The following DLGAP2 variants were observed in gnomAD, a reference collection of about 807,000 sequenced individuals.
DLGAP2 encodes DLG associated protein 2, also known as disks large-associated protein 2.
A neutral mutation model predicts 100.3 loss-of-function variants in DLGAP2; 26 were observed. The ratio of observed to expected loss-of-function variants is 0.26; its 90% CI spans 0.19 to 0.36. The LOEUF (loss-of-function observed/expected upper bound fraction) is 0.36. DLGAP2 is among the 10% of genes least tolerant of loss of function. The pLI is 1.00. For synonymous variants in DLGAP2, 886 were observed against 630.1 expected (o/e 1.41, Z -6.08); for missense variants, 1,858 against 1,453.2 (o/e 1.28, Z -4.53).
At chr8:1,036,883 A>G (rs1802141268) in intron 2 of DLGAP2, among the ~76,000 whole-genome samples, 1 of 152,206 alleles carries the variant, frequency 6.6e-6, no homozygotes, top group African/African-American at 2.4e-5. Context: ...CCCTTGAAAC[A>G]TAAGCTGCTT....
At chr8:773,920 C>T (rs972815497) in intron 1 of DLGAP2, among the ~76,000 whole-genome samples, 35 of 152,182 alleles carry the variant, frequency 2.3e-4, no homozygotes, top group African/African-American at 8.4e-4. Flanking sequence ...GAGGAATCGC[C>T]ACACTGACTT....
chr8:1,164,212 CCG>C (rs1360815738), intron 2 of DLGAP2, among the ~76,000 whole-genome samples: 6 of 140,076 alleles, frequency 4.3e-5, no homozygotes, highest in South Asian at 2.2e-4. Flanking sequence ...CCCCCAGGGC[CCG>C]TCATTTTGGT....
intron 2 of DLGAP2, among the ~76,000 whole-genome samples, chr8:1,192,244 T>G (rs576827300): frequency 1.9e-3 from 287 of 152,338 alleles, no homozygotes; most frequent in African/African-American, 6.6e-3. Flanking sequence ...CCAGCTGAGC[T>G]GGGCAATGGG....
intron 3 of DLGAP2, among the ~76,000 whole-genome samples, chr8:1,320,876 T>A (rs986115886): frequency 2.0e-5 from 3 of 152,134 alleles, no homozygotes; most frequent in Admixed American, 6.5e-5. Flanking sequence ...TTCGTGTGTG[T>A]GTGCACATGT....
At chr8:1,449,911 G>A (rs1351995433) in intron 3 of DLGAP2, among the ~76,000 whole-genome samples, 4 of 147,008 alleles carry the variant, frequency 2.7e-5, no homozygotes, top group Admixed American at 2.7e-4. Flanking sequence ...GGGTGAAGAC[G>A]AGGTGGGCGG....
At chr8:1,332,760 A>G (rs965284561) in intron 3 of DLGAP2, among the ~76,000 whole-genome samples, 4 of 152,212 alleles carry the variant, frequency 2.6e-5, no homozygotes, top group African/African-American at 9.6e-5. Context: ...TGGAAAAGCC[A>G]TTGAGGCTGC....
At chr8:1,170,800 G>A (rs1233272037) in intron 2 of DLGAP2, among the ~76,000 whole-genome samples, 1 of 146,988 alleles carries the variant, frequency 6.8e-6, no homozygotes, top group Admixed American at 6.9e-5. Flanking sequence ...CTTGCTAGCG[G>A]TCTATCAATT....
At chr8:905,299 C>T (rs1048617240) in intron 1 of DLGAP2, among the ~76,000 whole-genome samples, 16 of 152,054 alleles carry the variant, frequency 1.1e-4, no homozygotes, top group Non-Finnish European at 2.2e-4. Context: ...GGGCTGTCTC[C>T]TGGGGAGAGT....
chr8:1,145,219 G>A (rs1796586072), intron 2 of DLGAP2, among the ~76,000 whole-genome samples: 1 of 152,034 alleles, frequency 6.6e-6, no homozygotes, highest in African/African-American at 2.4e-5. Context: ...TCCAGCCACT[G>A]TACAGAAACA....
chr8:1,694,142 C>A (rs574218673), intron 13 of DLGAP2, among the ~76,000 whole-genome samples: 3 of 152,190 alleles, frequency 2.0e-5, no homozygotes, highest in Non-Finnish European at 4.4e-5. Flanking sequence ...TTTAAAATAG[C>A]TGGCTTGGCT....
chr8:951,375 G>A (rs1799475246), intron 2 of DLGAP2, among the ~76,000 whole-genome samples: 1 of 152,078 alleles, frequency 6.6e-6, no homozygotes, highest in Admixed American at 6.6e-5. Flanking sequence ...CTCCCAAGTA[G>A]CCAGGATTAC....
chr8:1,166,177 A>G (rs1016856153), intron 2 of DLGAP2, among the ~76,000 whole-genome samples: 8 of 152,126 alleles, frequency 5.3e-5, no homozygotes, highest in Non-Finnish European at 1.0e-4. Flanking sequence ...TTTGTCTTAC[A>G]GCGTCTGAAT....
intron 2 of DLGAP2, among the ~76,000 whole-genome samples, chr8:1,178,878 A>T (rs1243296464): frequency 2.6e-5 from 4 of 152,132 alleles, no homozygotes; most frequent in African/African-American, 4.8e-5. Context: ...CTGCTCTTTC[A>T]GTTAGGAGCC....
At chr8:1,503,393 A>T (rs1170826642) in intron 4 of DLGAP2, among the ~76,000 whole-genome samples, 2 of 152,046 alleles carry the variant, frequency 1.3e-5, no homozygotes, top group African/African-American at 4.8e-5. Context: ...TTGTTTTGTG[A>T]CTGCTCATTT....
intron 8 of DLGAP2, among the ~76,000 whole-genome samples, chr8:1,666,731 C>G (rs1798553036): frequency 1.3e-5 from 2 of 152,044 alleles, no homozygotes; most frequent in Admixed American, 6.5e-5. Flanking sequence ...AACATTATGC[C>G]TTAAAGCACA....
At chr8:1,308,278 C>G (rs544923727) in intron 3 of DLGAP2, among the ~76,000 whole-genome samples, 2 of 152,158 alleles carry the variant, frequency 1.3e-5, no homozygotes, top group Non-Finnish European at 2.9e-5. Context: ...TAGCTTGAAA[C>G]AACCTTAAGA....
intron 2 of DLGAP2, among the ~76,000 whole-genome samples, chr8:1,130,962 G>A (rs1281125034): frequency 6.6e-6 from 1 of 152,160 alleles, no homozygotes; most frequent in Non-Finnish European, 1.5e-5. Context: ...GGCCGGTCCT[G>A]GCTGTGTCCT....
chr8:1,691,662 AC>A, intron 13 of DLGAP2, 36 bp downstream of exon 13: 10 of 1,532,296 alleles, frequency 6.5e-6, no homozygotes, highest in Non-Finnish European at 8.1e-6. Context: ...GTTCCCTGTA[AC>A]CAAGCTAATG....
At chr8:1,576,839 CCA>C (rs758123641) in intron 6 of DLGAP2, among the ~76,000 whole-genome samples, 11 of 152,056 alleles carry the variant, frequency 7.2e-5, no homozygotes, top group Admixed American at 3.9e-4. Context: ...TGTTTTGGTA[CCA>C]GTACAAGGTA....
Sources: gnomAD v4.1 joint callset for allele counts (sites outside exome capture counted in the v4.1 genomes callset) on GRCh38, gnomAD v4.1.1 for gene constraint, MANE v1.5 for transcripts, NCBI Gene and HGNC (gene_info 2026-07-23, HGNC 2026-07-21) for gene names.